PLEKHG1: variants seen among roughly 807,000 people sequenced by gnomAD.
The protein encoded by PLEKHG1 is pleckstrin homology domain-containing family G member 1.
A neutral mutation model predicts 100.8 loss-of-function variants in PLEKHG1; 44 were observed. The ratio of observed to expected loss-of-function variants is 0.44; its 90% CI spans 0.34 to 0.56. PLEKHG1 has a LOEUF of 0.56. Ranked by LOEUF, PLEKHG1 falls within the 20% of genes least tolerant of loss-of-function variation. The pLI, the probability that PLEKHG1 is intolerant of heterozygous loss-of-function variation, is 0.01. For missense variants in PLEKHG1, 1,545 were observed against 1,720.9 expected (o/e 0.90, Z 1.81); for synonymous variants, 640 against 662.5 (o/e 0.97, Z 0.52).
At chr6:150,841,030 T>C (rs548660328) in exon 16 of PLEKHG1, 5 of 756,782 alleles carry the variant, frequency 6.6e-6, no homozygotes, top group East Asian at 5.3e-5. Context: ...TACTTTCTTT[T>C]ACAGCACAAC....
At chr6:150,708,000 C>G (rs948366825) in intron 3 of PLEKHG1, among the ~76,000 whole-genome samples, 1 of 152,160 alleles carries the variant, frequency 6.6e-6, no homozygotes, top group African/African-American at 2.4e-5. Flanking sequence ...TCAGCATTCC[C>G]AGGCTCCCTG....
intron 3 of PLEKHG1, among the ~76,000 whole-genome samples, chr6:150,769,472 C>G (rs1422683861): frequency 2.0e-5 from 3 of 151,358 alleles, no homozygotes; most frequent in Non-Finnish European, 2.9e-5. Context: ...ACCCCAGCTA[C>G]CCAGGAGGCT....
chr6:150,765,104 G>C (rs774460338), intron 2 of PLEKHG1, among the ~76,000 whole-genome samples: 15 of 152,112 alleles, frequency 9.9e-5, no homozygotes, highest in Non-Finnish European at 1.8e-4. Flanking sequence ...AGTTTCAGAG[G>C]CATCCCAACG....
At chr6:150,634,979 A>G (rs1777930378) in intron 1 of PLEKHG1, among the ~76,000 whole-genome samples, 1 of 152,254 alleles carries the variant, frequency 6.6e-6, no homozygotes, top group Non-Finnish European at 1.5e-5. Context: ...CAGGTGTTGA[A>G]GTAGTTAAGG....
At chr6:150,736,209 CCA>C (rs1782550951) in intron 2 of PLEKHG1, among the ~76,000 whole-genome samples, 1 of 152,184 alleles carries the variant, frequency 6.6e-6, no homozygotes, top group African/African-American at 2.4e-5. Context: ...GACCCAACGG[CCA>C]CAGTTTGCTC....
chr6:150,705,450 G>A (rs766211216), intron 3 of PLEKHG1, among the ~76,000 whole-genome samples: 5 of 152,230 alleles, frequency 3.3e-5, no homozygotes, highest in South Asian at 2.1e-4. Flanking sequence ...GGAAAGCGGC[G>A]GGGACCGCCT....
At chr6:150,795,740 C>CATT in intron 4 of PLEKHG1, 116 bp from the exon 6 acceptor site, 1 of 411,404 alleles carries the variant, frequency 2.4e-6, no homozygotes. Flanking sequence ...AAACAAAAAA[C>CATT]ATATATATAT....
At chr6:150,842,459 CAT>C (rs1196829966) in exon 16 of PLEKHG1, 5 of 152,132 alleles carry the variant, frequency 3.3e-5, no homozygotes, top group African/African-American at 1.2e-4. Flanking sequence ...AACTGTAAAA[CAT>C]AGAATATGAG....
At chr6:150,773,403 G>T (rs1044728868) in intron 3 of PLEKHG1, among the ~76,000 whole-genome samples, 1 of 152,136 alleles carries the variant, frequency 6.6e-6, no homozygotes, top group East Asian at 1.9e-4. Context: ...GCGTGGTGGC[G>T]AGTGCCTGTA....
chr6:150,763,299 G>A (rs1042829975), intron 2 of PLEKHG1, among the ~76,000 whole-genome samples: 2 of 151,968 alleles, frequency 1.3e-5, no homozygotes, highest in African/African-American at 4.8e-5. Flanking sequence ...CCAAAGTGTG[G>A]GGATTACAGG....
At chr6:150,833,192 A>G (rs1777049326) in intron 15 of PLEKHG1, among the ~76,000 whole-genome samples, 2 of 151,296 alleles carry the variant, frequency 1.3e-5, no homozygotes, top group Admixed American at 6.6e-5. Context: ...ACAGGTGTGT[A>G]CCACCACGCC....
At chr6:150,784,963 C>T (rs559371012) in intron 3 of PLEKHG1, among the ~76,000 whole-genome samples, 3 of 151,236 alleles carry the variant, frequency 2.0e-5, no homozygotes, top group Non-Finnish European at 4.4e-5. Context: ...CACTACCCAG[C>T]GCTTCAGAAA....
intron 1 of PLEKHG1, among the ~76,000 whole-genome samples, chr6:150,628,616 G>C (rs1777614513): frequency 7.3e-6 from 1 of 137,438 alleles, no homozygotes; most frequent in African/African-American, 2.7e-5. Flanking sequence ...TCTATATCTG[G>C]ATTAAGTATT....
At chr6:150,743,885 T>C (rs1783012641) in intron 2 of PLEKHG1, among the ~76,000 whole-genome samples, 1 of 152,110 alleles carries the variant, frequency 6.6e-6, no homozygotes, top group South Asian at 2.1e-4. Context: ...ATTGTGCTTA[T>C]CTTGGTAGCA....
chr6:150,831,607 C>G lies in PLEKHG1; in HGVS notation c.2496C>G (p.Ser832=), dbSNP rs377576260. The stretch of plus-strand genomic sequence containing the variant: ...ATAAGCCTGTATCTGATAAACTGTC[C>G]GAAGAAGTAGATGAAATCTGGAATG... Residue 832 remains serine, a synonymous_variant, in exon 15 of 16, where the codon TCC becomes TCG. Transcript: ENST00000358517. The surrounding 1 kb of genome is among the most constrained non-coding windows in gnomAD (Gnocchi z 4.1). 6 of 1,613,840 alleles carry G rather than the reference C, an allele frequency of 3.7e-6. No individual in the cohort carries two copies. The highest frequency in any genetic ancestry group is 8.5e-7 in the Non-Finnish European group (1 of 1,179,986).
intron 2 of PLEKHG1, among the ~76,000 whole-genome samples, chr6:150,734,526 GAATCTCATACTCAGC>G (rs1316023276): frequency 2.0e-5 from 3 of 152,162 alleles, no homozygotes; most frequent in Admixed American, 6.5e-5. Flanking sequence ...ACTGAGACGT[GAATCTCATACTCAGC>G]AACTGTGATT....
chr6:150,795,830 T>C (rs747527567), intron 4 of PLEKHG1, 26 bp from the exon 6 acceptor site: 1 of 1,494,218 alleles, frequency 6.7e-7, no homozygotes, highest in Non-Finnish European at 9.3e-7. Flanking sequence ...TTGTTGCCTA[T>C]AAAAATTTCT....
chr6:150,798,435 T>C (rs903994116), intron 5 of PLEKHG1, among the ~76,000 whole-genome samples: 6 of 152,106 alleles, frequency 3.9e-5, no homozygotes, highest in Admixed American at 3.9e-4. Context: ...TTAAGAAGAG[T>C]ACAAAATAAA....
chr6:150,626,818 ATG>A (rs1383600215), intron 1 of PLEKHG1, among the ~76,000 whole-genome samples: 4 of 152,022 alleles, frequency 2.6e-5, no homozygotes, highest in African/African-American at 9.7e-5. Context: ...GTGTATGTGT[ATG>A]TGTGTGTGCG....
Sources: gnomAD v4.1 joint callset for allele counts (sites outside exome capture counted in the v4.1 genomes callset) on GRCh38, gnomAD v4.1.1 for gene constraint, Gnocchi (gnomAD v3.1) non-coding constraint, MANE v1.5 for transcripts, NCBI Gene and HGNC (gene_info 2026-07-23, HGNC 2026-07-21) for gene names.